Variants in SCFD2 observed in about 807,000 individuals in gnomAD.
SCFD2 encodes the protein sec1 family domain-containing protein 2.
SCFD2 carries 54 observed loss-of-function variants against 58.9 expected under a neutral mutation model. The ratio of observed to expected loss-of-function variants is 0.92; its 90% CI spans 0.74 to 1.15. SCFD2 has a LOEUF of 1.15. Among genes scored for constraint, SCFD2 ranks in the 50% most tolerant of loss-of-function variants. SCFD2 has a pLI of 0.00. For missense variants in SCFD2, 805 were observed against 836.6 expected (o/e 0.96, Z 0.47); for synonymous variants, 321 against 335.9 (o/e 0.96, Z 0.49).
chr4:53,170,693 T>A (rs1484893848), intron 4 of SCFD2, among the ~76,000 whole-genome samples: 1 of 152,008 alleles, frequency 6.6e-6, no homozygotes, highest in African/African-American at 2.4e-5. Context: ...TTTATTTGAG[T>A]CTTCTTCTAT....
chr4:53,359,915 C>T (rs1263301579), intron 1 of SCFD2, among the ~76,000 whole-genome samples: 2 of 152,180 alleles, frequency 1.3e-5, no homozygotes, highest in Admixed American at 6.5e-5. Flanking sequence ...GCAAGTGCTG[C>T]CTTTTCTCAT....
chr4:53,006,019 A>T (rs1721963782), intron 5 of SCFD2, among the ~76,000 whole-genome samples: 1 of 151,152 alleles, frequency 6.6e-6, no homozygotes, highest in Admixed American at 6.6e-5. Context: ...TCCCTCCCCG[A>T]CTCCTGACGC....
intron 5 of SCFD2, among the ~76,000 whole-genome samples, chr4:52,943,618 G>T (rs1395162671): frequency 6.6e-6 from 1 of 152,076 alleles, no homozygotes; most frequent in African/African-American, 2.4e-5. Context: ...CCTCCATAGA[G>T]CCCCTTTATA....
chr4:53,085,159 T>C (rs1369649193), intron 5 of SCFD2, among the ~76,000 whole-genome samples: 1 of 152,158 alleles, frequency 6.6e-6, no homozygotes, highest in African/African-American at 2.4e-5. Flanking sequence ...ACAAAAACTA[T>C]TAGGACTGAT....
chr4:53,053,016 G>A (rs1309168271), intron 5 of SCFD2, among the ~76,000 whole-genome samples: 1 of 152,102 alleles, frequency 6.6e-6, no homozygotes, highest in African/African-American at 2.4e-5. Flanking sequence ...GCGGTCAGGA[G>A]TTCAAGACTA....
chr4:53,096,981 T>C (rs562315308), intron 5 of SCFD2, among the ~76,000 whole-genome samples: 22 of 152,168 alleles, frequency 1.4e-4, no homozygotes, highest in East Asian at 7.7e-4. Context: ...AATCCTTTCC[T>C]CATTTCTTGT....
At chr4:53,025,154 A>G (rs1295610427) in intron 5 of SCFD2, among the ~76,000 whole-genome samples, 1 of 152,216 alleles carries the variant, frequency 6.6e-6, no homozygotes. Flanking sequence ...AAGGTGGCTT[A>G]GCCCTTCTGG....
intron 4 of SCFD2, among the ~76,000 whole-genome samples, chr4:53,185,227 CA>C (rs942536061): frequency 6.6e-5 from 10 of 152,116 alleles, no homozygotes; most frequent in African/African-American, 2.4e-4. Context: ...ACCATAATCA[CA>C]AAACACCTTA....
At chr4:53,266,533 T>C (rs1730989212) in intron 4 of SCFD2, among the ~76,000 whole-genome samples, 1 of 152,202 alleles carries the variant, frequency 6.6e-6, no homozygotes, top group Non-Finnish European at 1.5e-5. Context: ...ATGAGGAAAC[T>C]AAGCCAAACT....
chr4:52,964,248 G>T (rs1034421468), intron 5 of SCFD2, among the ~76,000 whole-genome samples: 1 of 152,144 alleles, frequency 6.6e-6, no homozygotes, highest in Non-Finnish European at 1.5e-5. Flanking sequence ...ACAAAAACTA[G>T]GTCAGGAATA....
At chr4:53,360,471 T>C (rs577141543) in intron 1 of SCFD2, among the ~76,000 whole-genome samples, 6 of 152,328 alleles carry the variant, frequency 3.9e-5, no homozygotes, top group Admixed American at 3.9e-4. Context: ...CAAAGCTGAT[T>C]GGTTTCAGAG....
At chr4:52,935,843 C>T (rs1182445692) in intron 5 of SCFD2, among the ~76,000 whole-genome samples, 1 of 151,982 alleles carries the variant, frequency 6.6e-6, no homozygotes, top group Non-Finnish European at 1.5e-5. Flanking sequence ...TTTTTCTTTT[C>T]TTTTATTTTT....
At chr4:53,013,868 G>C (rs1285461294) in intron 5 of SCFD2, among the ~76,000 whole-genome samples, 4 of 152,126 alleles carry the variant, frequency 2.6e-5, no homozygotes, top group Admixed American at 6.6e-5. Context: ...TTCCGTGCAG[G>C]GGAGGGATTT....
At chr4:53,213,797 C>T (rs1436034376) in intron 4 of SCFD2, among the ~76,000 whole-genome samples, 1 of 151,966 alleles carries the variant, frequency 6.6e-6, no homozygotes, top group Non-Finnish European at 1.5e-5. Context: ...TCATTCTATC[C>T]CTCCCTCCTC....
chr4:52,975,210 A>G (rs537917731), intron 5 of SCFD2, among the ~76,000 whole-genome samples: 6 of 152,378 alleles, frequency 3.9e-5, no homozygotes, highest in African/African-American at 9.6e-5. Flanking sequence ...CAGCAAAAGA[A>G]ACTACCACTA....
chr4:53,236,602 C>A (rs1292605016), intron 4 of SCFD2, among the ~76,000 whole-genome samples: 1 of 149,556 alleles, frequency 6.7e-6, no homozygotes, highest in Non-Finnish European at 1.5e-5. Context: ...AACTAAATTG[C>A]AGTTCAAAAT....
rs115683340 is a variant in SCFD2, at chr4:52,883,424, A to G, written c.1962+2323T>C. Among the ~76,000 whole-genome samples the G allele has an allele frequency of 4.7e-3, 718 of 152,288 alleles. 3 individuals carry two copies. Among genetic ancestry groups the G allele is most frequent in the Non-Finnish European group, 7.7e-3 (525 of 68,014 alleles). On this transcript the variant is annotated intron_variant, in intron 8 of 8. Coordinates refer to ENST00000401642, the MANE Select transcript of SCFD2 (RefSeq NM_152540.4). ...TCTTCCTAGGGCCTGCTAACTCTTC[A>G]GGGGAGCTTTTTGCACAAAGGGCAA...
chr4:53,103,850 ATGCCACTG>A (rs1724905140), intron 5 of SCFD2, among the ~76,000 whole-genome samples: 2 of 145,850 alleles, frequency 1.4e-5, no homozygotes, highest in African/African-American at 2.5e-5. Flanking sequence ...GACAACACAG[ATGCCACTG>A]AAAGAGCTCC....
chr4:53,214,405 C>T (rs531752438), intron 4 of SCFD2, among the ~76,000 whole-genome samples: 5 of 152,068 alleles, frequency 3.3e-5, no homozygotes, highest in Admixed American at 1.3e-4. Context: ...CTGATGGCCA[C>T]TGATGATGAG....
Sources: allele counts gnomAD v4.1 joint callset (sites outside exome capture counted in the v4.1 genomes callset), GRCh38; gene constraint gnomAD v4.1.1; transcripts MANE v1.5; gene names NCBI Gene and HGNC (gene_info 2026-07-23, HGNC 2026-07-21).